The following G3BP1 variants were observed in gnomAD, a reference collection of about 807,000 sequenced individuals.
The protein encoded by G3BP1 is G3BP stress granule assembly factor 1.
G3BP1 carries 35 observed loss-of-function variants against 58.6 expected under a neutral mutation model. The observed-to-expected ratio is 0.60, with a 90% CI of 0.46 to 0.79. The LOEUF (loss-of-function observed/expected upper bound fraction) is 0.79, where lower values mean the gene tolerates loss of function less well. G3BP1 is among the 30% of genes least tolerant of loss of function. The pLI is 0.00. For missense variants in G3BP1, 523 were observed against 580.8 expected, an observed-to-expected ratio of 0.90 and a Z score of 1.02; for synonymous variants, 191 against 195.4, an observed-to-expected ratio of 0.98 and a Z score of 0.19.
intron 1 of G3BP1, among the ~76,000 whole-genome samples, chr5:151,778,312 C>T (rs1181729813): frequency 6.6e-6 from 1 of 152,120 alleles, no homozygotes; most frequent in East Asian, 1.9e-4. Context: ...TTTAGTGGTA[C>T]CTCACAGGTT....
In G3BP1 at chr5:151,808,688, G is replaced by A. The variant is rs990522118; in HGVS notation, c.*4597G>A. The A allele has an allele frequency of 6.6e-6, 1 of 152,180 alleles. No individual in the cohort carries two copies. Among genetic ancestry groups the A allele is most frequent in the Non-Finnish European group, 1.5e-5 (1 of 68,040 alleles). The allele number at this position is 152,180 out of a possible 1,614,324, so 9.4% of individuals were successfully genotyped here. A position where few individuals can be genotyped will look rare whatever the true frequency, so the allele number is the denominator to read the frequency against. On this transcript the variant is annotated 3_prime_UTR_variant, in exon 12 of 12. Coordinates refer to ENST00000356245, the MANE Select transcript of G3BP1 (RefSeq NM_005754.3). Reference sequence around the variant, plus strand: ...GTGTCCCAGATTTGTAAGGTACAGTGTGCATACAGTGTGTCTTAGGATTTT... The same window carrying A: ...GTGTCCCAGATTTGTAAGGTACAGTATGCATACAGTGTGTCTTAGGATTTT...
rs1581576345 is a variant in G3BP1 at position 151,788,615 on chromosome 5, T to G, written c.96-1708T>G. Among the ~76,000 whole-genome samples, 3 of 147,226 alleles carry G rather than the reference T, an allele frequency of 2.0e-5. 1 individual carries two copies. The highest frequency in any genetic ancestry group is 2.0e-4 in the Admixed American group (3 of 14,848). ...GTGTGTGTGTGTGTGTGTGTGTGTA[T>G]TATTTATTTATTTATTTTTAGTAGG... On this transcript the variant is annotated intron_variant, in intron 2 of 11. Coordinates refer to ENST00000356245, the MANE Select transcript of G3BP1 (RefSeq NM_005754.3).
chr5:151,782,207 CAGA>C (rs1762481997), intron 1 of G3BP1, among the ~76,000 whole-genome samples: 1 of 152,066 alleles, frequency 6.6e-6, no homozygotes, highest in African/African-American at 2.4e-5. Context: ...ATTTTACAGA[CAGA>C]AGAATTGAGG....
intron 5 of G3BP1, among the ~76,000 whole-genome samples, chr5:151,794,951 T>C (rs927532300): frequency 1.3e-5 from 2 of 152,174 alleles, no homozygotes; most frequent in African/African-American, 2.4e-5. Flanking sequence ...GGCTCCATGC[T>C]CTTAAAAACC....
chr5:151,776,475 G>T (rs1345675665), intron 1 of G3BP1, among the ~76,000 whole-genome samples: 1 of 152,116 alleles, frequency 6.6e-6, no homozygotes, highest in African/African-American at 2.4e-5. Context: ...TGGGGGAGAT[G>T]CTTCGAAGCC....
rs886730916 is a variant in G3BP1 at position 151,809,932 on chromosome 5, A to G, written c.*5841A>G. On this transcript the variant is annotated 3_prime_UTR_variant, in exon 12 of 12. Coordinates refer to ENST00000356245, the MANE Select transcript of G3BP1 (RefSeq NM_005754.3). ...TGCTCCCCTCAGGGATGGGTTTACT[A>G]CTAGCTGTCAGAAAGCTATTGGGTA... The G allele has an allele frequency of 6.6e-6, 1 of 152,184 alleles. No homozygotes were observed. The highest frequency in any genetic ancestry group is 1.5e-5 in the Non-Finnish European group (1 of 68,034). The allele number at this position is 152,184 out of a possible 1,614,324, so 9.4% of individuals were successfully genotyped here.
At chr5:151,802,695 A>C (rs966446370) in intron 11 of G3BP1, among the ~76,000 whole-genome samples, 1 of 152,240 alleles carries the variant, frequency 6.6e-6, no homozygotes, top group African/African-American at 2.4e-5. Context: ...GCACTTTGGG[A>C]GGCCGAGGCG....
At chr5:151,787,304 AAG>A (rs1762569590) in intron 2 of G3BP1, 1 of 152,316 alleles carries the variant, frequency 6.6e-6, no homozygotes, top group South Asian at 2.1e-4. Context: ...TGTAAAAAAT[AAG>A]AATGTATTGA....
At chr5:151,781,953 C>T (rs1399206452) in intron 1 of G3BP1, among the ~76,000 whole-genome samples, 2 of 151,796 alleles carry the variant, frequency 1.3e-5, no homozygotes, top group Non-Finnish European at 2.9e-5. Flanking sequence ...AACTGTAGTT[C>T]ATCCAAAAGG....
At position 151,803,935 on chromosome 5, in the gene G3BP1, T is replaced by G. The variant is rs1762900882; in HGVS notation, c.1245T>G (p.Thr415=). ...EVRLNVEEKK[T]RAAREGDRRD... ...GTCTGAATGTCGAAGAGAAGAAGAC[T>G]CGAGCTGCCAGGGAAGGCGACCGAC... Residue 415 remains threonine, a synonymous_variant, in exon 12 of 12, where the codon ACT becomes ACG. Transcript: ENST00000356245. 6.2e-7 allele frequency: 1 copy of G among 1,614,036 alleles called. No homozygotes were observed. Among genetic ancestry groups the G allele is most frequent in the Middle Eastern group, 1.7e-4 (1 of 6,060 alleles).
At position 151,803,873 on chromosome 5, in the gene G3BP1, T is replaced by G; in HGVS notation, c.1195-12T>G. On this transcript the variant is annotated splice_polypyrimidine_tract_variant and intron_variant, in intron 11 of 11. Transcript: ENST00000356245. Reference sequence around the variant, plus strand: ...TCAGTACTCTTAAGTCTGGTCACCTTGATTCTTACAGCCCATCATGTTCAG... The same window carrying G: ...TCAGTACTCTTAAGTCTGGTCACCTGGATTCTTACAGCCCATCATGTTCAG... 1 of 1,592,214 alleles carries G rather than the reference T, an allele frequency of 6.3e-7. No individual in the cohort carries two copies. The highest frequency in any genetic ancestry group is 8.6e-7 in the Non-Finnish European group (1 of 1,160,656).
At chr5:151,779,146 G>C (rs1244135362) in intron 1 of G3BP1, among the ~76,000 whole-genome samples, 1 of 148,398 alleles carries the variant, frequency 6.7e-6, no homozygotes, top group Non-Finnish European at 1.5e-5. Context: ...TTCTTTTGAT[G>C]GTGTCTTTGC....
At chr5:151,789,684 T>A (rs1464406072) in intron 2 of G3BP1, among the ~76,000 whole-genome samples, 1 of 152,218 alleles carries the variant, frequency 6.6e-6, no homozygotes, top group African/African-American at 2.4e-5. Context: ...TGTTCCAGCC[T>A]TACCGCACAT....
At chr5:151,800,050 G>C (rs1225478391) in intron 9 of G3BP1, 50 bp downstream of exon 9, 1 of 1,306,258 alleles carries the variant, frequency 7.7e-7, no homozygotes, top group East Asian at 2.3e-5. Context: ...TGAGGTGAGA[G>C]CTTATTTTGG....
chr5:151,776,756 T>C (rs1381144092), intron 1 of G3BP1, among the ~76,000 whole-genome samples: 1 of 151,988 alleles, frequency 6.6e-6, no homozygotes, highest in Non-Finnish European at 1.5e-5. Flanking sequence ...ATTTATTTTA[T>C]ATTTTTATAA....
intron 11 of G3BP1, among the ~76,000 whole-genome samples, chr5:151,801,573 C>T (rs1178964339): frequency 6.6e-6 from 1 of 152,076 alleles, no homozygotes; most frequent in Admixed American, 6.5e-5. Flanking sequence ...AACTTAATTG[C>T]ATTTAGAACA....
At chr5:151,801,065 A>G (rs1272052771) in intron 11 of G3BP1, among the ~76,000 whole-genome samples, 196 bp downstream of exon 11, 1 of 152,132 alleles carries the variant, frequency 6.6e-6, no homozygotes, top group African/African-American at 2.4e-5. Flanking sequence ...TGTTTAAGTA[A>G]CTTAGTTTTT....
At chr5:151,790,163 C>T (rs1366525574) in intron 2 of G3BP1, among the ~76,000 whole-genome samples, 160 bp from the exon 3 acceptor site, 2 of 147,196 alleles carry the variant, frequency 1.4e-5, no homozygotes, top group African/African-American at 5.0e-5. Context: ...CCCGGCACAT[C>T]GAAGCTGCAA....
rs1763031121 is a variant in G3BP1, at chr5:151,812,514, A to G, written c.*8423A>G. The G allele has an allele frequency of 6.6e-6, 1 of 152,232 alleles. No homozygotes were observed. The highest frequency in any genetic ancestry group is 6.5e-5 in the Admixed American group (1 of 15,276). The allele number at this position is 152,232 out of a possible 1,614,324, so 9.4% of individuals were successfully genotyped here. ...CTTTTGTGCAAGTATCTAAGCGGGC[A>G]AAATGGGGAAAACATGAAGGGCAAG... On this transcript the variant is annotated 3_prime_UTR_variant, in exon 12 of 12. Coordinates refer to ENST00000356245, the MANE Select transcript of G3BP1 (RefSeq NM_005754.3).
Sources: allele counts gnomAD v4.1 joint callset (sites outside exome capture counted in the v4.1 genomes callset), GRCh38; gene constraint gnomAD v4.1.1; transcripts MANE v1.5; gene names NCBI Gene and HGNC (gene_info 2026-07-23, HGNC 2026-07-21).